UGT2B7: variants seen among roughly 807,000 people sequenced by gnomAD.
UGT2B7 encodes the protein UDP-glucuronosyltransferase 2B7.
Under a neutral mutation model 51.9 loss-of-function variants are expected in UGT2B7, and 51 were observed. That is an observed-to-expected ratio of 0.98 (90% CI 0.78 to 1.24). The LOEUF (loss-of-function observed/expected upper bound fraction) is 1.24. Among genes scored for constraint, UGT2B7 ranks in the 50% most tolerant of loss-of-function variants. UGT2B7 has a pLI of 0.00. For missense variants in UGT2B7, 727 were observed against 628.4 expected, an observed-to-expected ratio of 1.16 and a Z score of -1.68; for synonymous variants, 225 against 211.6, an observed-to-expected ratio of 1.06 and a Z score of -0.55.
At chr4:69,064,090 A>AGAGAGAGAGAG (rs1560499746) in intron 1 of UGT2B7, among the ~76,000 whole-genome samples, 2 of 97,586 alleles carry the variant, frequency 2.0e-5, no homozygotes, top group African/African-American at 9.5e-5. Context: ...GAAAGAAAGA[A>AGAGAGAGAGAG]AGAAAGAGAA....
intron 1 of UGT2B7, among the ~76,000 whole-genome samples, chr4:69,086,159 A>AT (rs1354532810): frequency 2.0e-5 from 3 of 151,020 alleles, no homozygotes; most frequent in Non-Finnish European, 3.0e-5. Flanking sequence ...TTTAGAACTT[A>AT]TTTTTTCTAT....
At chr4:69,073,789 A>G (rs1432374562) in intron 1 of UGT2B7, among the ~76,000 whole-genome samples, 1 of 152,216 alleles carries the variant, frequency 6.6e-6, no homozygotes, top group Non-Finnish European at 1.5e-5. Flanking sequence ...GTAAGGTGTT[A>G]ACAAGCAATG....
intron 3 of UGT2B7, among the ~76,000 whole-genome samples, chr4:69,104,102 C>T (rs749960047): frequency 2.6e-4 from 40 of 152,204 alleles, no homozygotes; most frequent in Middle Eastern, 3.4e-3. Flanking sequence ...GCTTGGCCAA[C>T]ATGGTGAAAC....
Position 69,052,587 on chromosome 4 carries a change from A to ACTTACGT in UGT2B7, c.-159+985_-159+986insCTTACGT, listed in dbSNP as rs1560495732. ...TTATCTTCAAAAAAAAAAAAAAAAA[A>ACTTACGT]AAAAAGAAGGGGAGGCAAAATTTAC... On this transcript the variant is annotated intron_variant, in intron 1 of 5. Coordinates refer to the UGT2B7 transcript ENST00000502942. Among the ~76,000 whole-genome samples the ACTTACGT allele has an allele frequency of 1.3e-4, 19 of 151,418 alleles. 1 individual carries two copies. The highest frequency in any genetic ancestry group is 2.1e-4 in the Non-Finnish European group (14 of 67,786).
intron 1 of UGT2B7, among the ~76,000 whole-genome samples, chr4:69,058,972 T>G (rs1718279177): frequency 1.3e-5 from 2 of 152,134 alleles, no homozygotes; most frequent in Admixed American, 1.3e-4. Flanking sequence ...ACTGGAAGGA[T>G]GAGTGTCCAG....
At chr4:69,060,363 C>T (rs1718317504) in intron 1 of UGT2B7, among the ~76,000 whole-genome samples, 1 of 152,188 alleles carries the variant, frequency 6.6e-6, no homozygotes, top group Non-Finnish European at 1.5e-5. Context: ...TTCCTAGGGC[C>T]AGCAGGGTCC....
intron 1 of UGT2B7, among the ~76,000 whole-genome samples, chr4:69,057,078 G>A (rs1208053162): frequency 1.3e-5 from 2 of 152,130 alleles, no homozygotes; most frequent in Non-Finnish European, 2.9e-5. Context: ...AGAAGAACAT[G>A]GTGAAACTCC....
Position 69,105,431 on chromosome 4 carries a change from GT to G in UGT2B7, c.1003-1743del, listed in dbSNP as rs1333130079. On this transcript the variant is annotated intron_variant, in intron 3 of 5. Coordinates refer to ENST00000305231, the MANE Select transcript of UGT2B7 (RefSeq NM_001074.4). ...ATGTAGCAAATAAAAGTTAAACACT[GT>G]AAATTATTGTTTAGTTTATGAGGAT... Among the ~76,000 whole-genome samples, 16 of 152,270 alleles carry G rather than the reference GT, an allele frequency of 1.1e-4. No individual in the cohort carries two copies. The South Asian group carries it at 1.7e-3, about 16-fold the overall frequency.
At position 69,088,408 on chromosome 4, in the gene UGT2B7, A is replaced by G. The variant is rs575492965; in HGVS notation, c.-158-1064A>G. On this transcript the variant is annotated intron_variant, in intron 1 of 5. Coordinates refer to the UGT2B7 transcript ENST00000502942. ...TTCTGAACTTTTAAAATAGGTGTGC[A>G]CTGAATTTCTTGTCAAAAATTTTAC... 7.2e-5 allele frequency among the ~76,000 whole-genome samples: 11 copies of G among 152,022 alleles called. No individual in the cohort carries two copies. The South Asian group carries it at 1.7e-3, about 23-fold the overall frequency.
At chr4:69,094,864 A>G (rs997789012), upstream of UGT2B7, among the ~76,000 whole-genome samples, 2 of 151,796 alleles carry the variant, frequency 1.3e-5, no homozygotes, top group Admixed American at 1.3e-4. Flanking sequence ...AGTTTAAGTA[A>G]TATTCTAAAT....
chr4:69,080,375 C>T (rs1452196505), intron 1 of UGT2B7, among the ~76,000 whole-genome samples: 2 of 151,904 alleles, frequency 1.3e-5, no homozygotes, highest in Non-Finnish European at 2.9e-5. Context: ...CGGTAAAACT[C>T]CGTCCCTGCT....
chr4:69,062,748 A>G (rs1718376984), intron 1 of UGT2B7, among the ~76,000 whole-genome samples: 2 of 152,194 alleles, frequency 1.3e-5, no homozygotes, highest in African/African-American at 4.8e-5. Flanking sequence ...AGAAAATAGC[A>G]AGCCCTGCTC....
chr4:69,105,883 G>A (rs959923823), intron 3 of UGT2B7, among the ~76,000 whole-genome samples: 1 of 151,966 alleles, frequency 6.6e-6, no homozygotes, highest in African/African-American at 2.4e-5. Flanking sequence ...CTACACACAA[G>A]TAGATACATG....
At chr4:69,068,738 G>T (rs1321648179) in intron 1 of UGT2B7, among the ~76,000 whole-genome samples, 1 of 151,814 alleles carries the variant, frequency 6.6e-6, no homozygotes, top group Non-Finnish European at 1.5e-5. Context: ...ATAACAAGGG[G>T]AGAAGTTACC....
chr4:69,073,316 A>G (rs542077596), intron 1 of UGT2B7, among the ~76,000 whole-genome samples: 1 of 152,312 alleles, frequency 6.6e-6, no homozygotes, highest in East Asian at 1.9e-4. Flanking sequence ...CAAGTTCCTA[A>G]TTATTAGTCT....
chr4:69,079,537 G>A (rs934369964), intron 1 of UGT2B7, among the ~76,000 whole-genome samples: 4 of 152,054 alleles, frequency 2.6e-5, no homozygotes, highest in African/African-American at 9.7e-5. Context: ...AGCATATTGT[G>A]ACAGGTCTTT....
intron 1 of UGT2B7, among the ~76,000 whole-genome samples, chr4:69,082,220 A>T (rs1718852612): frequency 6.6e-6 from 1 of 152,056 alleles, no homozygotes; most frequent in South Asian, 2.1e-4. Flanking sequence ...AGACACAACA[A>T]CATTGAAATT....
chr4:69,073,681 A>G (rs1718645151), intron 1 of UGT2B7, among the ~76,000 whole-genome samples: 1 of 152,190 alleles, frequency 6.6e-6, no homozygotes, highest in South Asian at 2.1e-4. Context: ...TAGGTCATAA[A>G]TGCTTGGACA....
chr4:69,102,015 T>A (rs1432577902), intron 2 of UGT2B7, among the ~76,000 whole-genome samples: 1 of 152,140 alleles, frequency 6.6e-6, no homozygotes, highest in Non-Finnish European at 1.5e-5. Flanking sequence ...AACAGTGTGA[T>A]TTCAGGGAAA....
Sources: gnomAD v4.1 joint callset for allele counts (sites outside exome capture counted in the v4.1 genomes callset) on GRCh38, gnomAD v4.1.1 for gene constraint, MANE v1.5 for transcripts, NCBI Gene and HGNC (gene_info 2026-07-23, HGNC 2026-07-21) for gene names.